The following AUTS2 variants were observed in gnomAD, a reference collection of about 807,000 sequenced individuals.
AUTS2 encodes the protein autism susceptibility gene 2 protein.
AUTS2 carries 17 observed loss-of-function variants against 112.4 expected under a neutral mutation model. That is an observed-to-expected ratio of 0.15 (90% CI 0.10 to 0.23). AUTS2 has a LOEUF of 0.23. Among genes scored for constraint, AUTS2 ranks in the 10% least tolerant of loss-of-function variants. The pLI is 1.00. For synonymous variants in AUTS2, 751 were observed against 702.7 expected (o/e 1.07, Z -1.09); for missense variants, 1,510 against 1,701.6 (o/e 0.89, Z 1.98).
At chr7:70,638,271 C>T (rs1474536154) in intron 5 of AUTS2, among the ~76,000 whole-genome samples, 2 of 152,116 alleles carry the variant, frequency 1.3e-5, no homozygotes, top group South Asian at 2.1e-4. Context: ...GGACGAGTCC[C>T]GCCATAAAAC....
chr7:69,698,866 G>C (rs938388100), intron 1 of AUTS2, among the ~76,000 whole-genome samples: 3 of 152,260 alleles, frequency 2.0e-5, no homozygotes, highest in Admixed American at 2.0e-4. Flanking sequence ...TTAAAGATAA[G>C]GGGTGGGTAT....
rs76493479 is a variant in AUTS2 at position 70,388,241 on chromosome 7, G to A, written c.661-47511G>A. ...ATTTTCCAAAATTGTATGAGGTGGC[G>A]GGGGTGTGGAGGGTAGGAAAGGACA... On this transcript the variant is annotated intron_variant, in intron 4 of 18. Transcript: ENST00000342771. 3.1e-3 allele frequency among the ~76,000 whole-genome samples: 479 copies of A among 152,216 alleles called. 2 individuals carry two copies. The highest frequency in any genetic ancestry group is 0.01 in the African/African-American group (432 of 41,544).
At chr7:69,877,238 G>A (rs1275344082) in intron 1 of AUTS2, among the ~76,000 whole-genome samples, 1 of 152,166 alleles carries the variant, frequency 6.6e-6, no homozygotes, top group Non-Finnish European at 1.5e-5. Flanking sequence ...AGAGCTTTGA[G>A]TAAAGAAGTG....
chr7:70,408,066 A>G (rs528686395), intron 4 of AUTS2, among the ~76,000 whole-genome samples: 1 of 151,936 alleles, frequency 6.6e-6, no homozygotes, highest in Admixed American at 6.5e-5. Flanking sequence ...AAAAAAAAAA[A>G]AAAAAGTCAG....
intron 5 of AUTS2, among the ~76,000 whole-genome samples, chr7:70,543,321 G>A (rs1800629766): frequency 1.3e-5 from 2 of 152,022 alleles, no homozygotes; most frequent in Admixed American, 1.3e-4. Flanking sequence ...GACCAAGATG[G>A]TGAAACCTCG....
intron 4 of AUTS2, among the ~76,000 whole-genome samples, chr7:70,225,290 G>T (rs1811704191): frequency 6.6e-6 from 1 of 152,138 alleles, no homozygotes; most frequent in Non-Finnish European, 1.5e-5. Flanking sequence ...ATTTTCTGCA[G>T]AACAGTTTTT....
At chr7:69,703,186 G>A (rs926816826) in intron 1 of AUTS2, among the ~76,000 whole-genome samples, 1 of 152,106 alleles carries the variant, frequency 6.6e-6, no homozygotes, top group Non-Finnish European at 1.5e-5. Context: ...ATGCATGGTA[G>A]GGGGAATCAT....
At chr7:70,537,712 G>A (rs567867274) in intron 5 of AUTS2, among the ~76,000 whole-genome samples, 150 of 152,248 alleles carry the variant, frequency 9.9e-4, no homozygotes, top group African/African-American at 3.3e-3. Context: ...GAAATCAAGC[G>A]GTGGTCTACT....
Position 70,299,228 on chromosome 7 carries a change from A to G in AUTS2, c.661-136524A>G, listed in dbSNP as rs1277196026. Among the ~76,000 whole-genome samples, 5 of 152,310 alleles carry G rather than the reference A, an allele frequency of 3.3e-5. No individual in the cohort carries two copies. In the South Asian group the frequency reaches 8.3e-4, roughly 25 times the overall value. On this transcript the variant is annotated intron_variant, in intron 4 of 18. Transcript: ENST00000342771. ...TCTGTTCATCCTTTTGTAATGCACC[A>G]TGTTTTTCTGCCTCCAGACTCTTTG...
At chr7:70,255,113 G>A (rs886421114) in intron 4 of AUTS2, among the ~76,000 whole-genome samples, 2 of 138,496 alleles carry the variant, frequency 1.4e-5, no homozygotes, top group South Asian at 2.3e-4. Context: ...TCACTCTGTC[G>A]CCCAGGCTGG....
intron 4 of AUTS2, among the ~76,000 whole-genome samples, chr7:70,414,225 A>G (rs1794899675): frequency 6.6e-6 from 1 of 152,198 alleles, no homozygotes; most frequent in Non-Finnish European, 1.5e-5. Flanking sequence ...AATGCTCCCT[A>G]AAGCTAAGTT....
At chr7:70,440,615 G>A (rs1387865578) in intron 5 of AUTS2, among the ~76,000 whole-genome samples, 3 of 152,278 alleles carry the variant, frequency 2.0e-5, no homozygotes, top group African/African-American at 7.2e-5. Context: ...CTGAGGCTCA[G>A]CCTTTATCCC....
chr7:70,281,881 A>C (rs555408034), intron 4 of AUTS2, among the ~76,000 whole-genome samples: 1 of 152,264 alleles, frequency 6.6e-6, no homozygotes, highest in East Asian at 1.9e-4. Flanking sequence ...ACAGCAGTCT[A>C]CTCTTATCTG....
intron 4 of AUTS2, among the ~76,000 whole-genome samples, chr7:70,334,441 C>CA (rs1193175544): frequency 2.0e-5 from 3 of 152,156 alleles, no homozygotes. Flanking sequence ...GTGGTAGGTG[C>CA]ATGACTAGTA....
chr7:70,225,688 A>G (rs962264238), intron 4 of AUTS2, among the ~76,000 whole-genome samples: 2 of 152,194 alleles, frequency 1.3e-5, no homozygotes, highest in Admixed American at 1.3e-4. Flanking sequence ...AATCAAAAAC[A>G]CTGATGACTT....
intron 4 of AUTS2, among the ~76,000 whole-genome samples, chr7:70,315,748 A>G (rs553202624): frequency 1.3e-5 from 2 of 152,276 alleles, no homozygotes; most frequent in Admixed American, 6.5e-5. Context: ...TATCCGGTCG[A>G]CAATCCATGT....
intron 1 of AUTS2, among the ~76,000 whole-genome samples, chr7:69,815,038 C>A (rs568565596): frequency 6.6e-6 from 1 of 151,984 alleles, no homozygotes; most frequent in African/African-American, 2.4e-5. Flanking sequence ...TGTAAATTAC[C>A]CTGGCTTTGC....
rs929527495 is a variant in AUTS2, at chr7:70,789,682, C to A, written c.2532-66C>A. ...CTTCACACCACCATTTCACCCGCAG[C>A]CCCTGGCCCGGCCGACTCGCCCCTT... On this transcript the variant is annotated intron_variant, in intron 18 of 18. Transcript: ENST00000342771. 1.6e-4 allele frequency: 251 copies of A among 1,541,986 alleles called. 1 individual carries two copies. Among genetic ancestry groups the A allele is most frequent in the South Asian group, 6.9e-4 (55 of 80,114 alleles).
chr7:70,218,976 A>G (rs372998152), intron 4 of AUTS2, among the ~76,000 whole-genome samples: 3 of 152,184 alleles, frequency 2.0e-5, no homozygotes. Flanking sequence ...TTAGAGTACT[A>G]TTTGCTACAT....
Sources: gnomAD v4.1 joint callset for allele counts (sites outside exome capture counted in the v4.1 genomes callset) on GRCh38, gnomAD v4.1.1 for gene constraint, MANE v1.5 for transcripts, NCBI Gene and HGNC (gene_info 2026-07-23, HGNC 2026-07-21) for gene names.